TMPRSS15: variants seen among roughly 807,000 people sequenced by gnomAD.
The protein encoded by TMPRSS15 is enteropeptidase.
Under a neutral mutation model 125.3 loss-of-function variants are expected in TMPRSS15, and 128 were observed. The ratio of observed to expected loss-of-function variants is 1.02; its 90% CI spans 0.89 to 1.18. TMPRSS15 has a LOEUF of 1.18. Among genes scored for constraint, TMPRSS15 ranks in the 50% most tolerant of loss-of-function variants. The probability of loss-of-function intolerance (pLI) is 0.00; values close to 1 mark genes in which losing one functional copy is unlikely to be tolerated. For missense variants in TMPRSS15, 1,283 were observed against 1,212.7 expected, an observed-to-expected ratio of 1.06 and a Z score of -0.86; for synonymous variants, 446 against 423.2, an observed-to-expected ratio of 1.05 and a Z score of -0.66.
intron 1 of TMPRSS15, among the ~76,000 whole-genome samples, chr21:18,458,209 G>A (rs758540498): frequency 9.9e-5 from 15 of 152,112 alleles, no homozygotes; most frequent in Middle Eastern, 3.2e-3. Context: ...AGGAGCTGTT[G>A]GAACCTTGTG....
At chr21:18,325,303 A>G (rs2146959603) in intron 16 of TMPRSS15, among the ~76,000 whole-genome samples, 1 of 152,140 alleles carries the variant, frequency 6.6e-6, no homozygotes. Flanking sequence ...AAAATCAGTC[A>G]CAAAATCCAG....
At position 18,345,569 on chromosome 21, in the gene TMPRSS15, G is replaced by A. The variant is rs538272565; in HGVS notation, c.1172-1509C>T. On this transcript the variant is annotated intron_variant, in intron 10 of 24. Coordinates refer to ENST00000284885, the MANE Select transcript of TMPRSS15 (RefSeq NM_002772.3). ...ATCCTGGCTAACACGGCGAAACCCCGTCTCTACAAAAAATACAAAAAATTA... is the reference window on the plus strand; with the variant it reads ...ATCCTGGCTAACACGGCGAAACCCCATCTCTACAAAAAATACAAAAAATTA... 4.9e-4 allele frequency among the ~76,000 whole-genome samples: 73 copies of A among 147,540 alleles called. No individual in the cohort carries two copies. In the East Asian group the frequency reaches 9.2e-3, roughly 19 times the overall value.
intron 1 of TMPRSS15, among the ~76,000 whole-genome samples, chr21:18,473,347 A>C (rs1022086958): frequency 6.6e-5 from 10 of 152,216 alleles, no homozygotes; most frequent in African/African-American, 2.4e-4. Flanking sequence ...TTTTCCTTAC[A>C]TTTATTAATG....
In TMPRSS15 at chr21:18,326,625, G is replaced by T. The variant is rs568452776; in HGVS notation, c.1781-53C>A. 3.4e-3 allele frequency: 5,529 copies of T among 1,610,210 alleles called. 20 individuals carry two copies. Among genetic ancestry groups the T allele is most frequent in the Non-Finnish European group, 3.8e-3 (4,527 of 1,176,918 alleles). ...GTGAGATGATCCTTTGGATCTAGAA[G>T]GAAATGTACCCCACATCTCAGTTCC... On this transcript the variant is annotated intron_variant, in intron 15 of 24. Coordinates refer to ENST00000284885, the MANE Select transcript of TMPRSS15 (RefSeq NM_002772.3).
chr21:18,270,202 A>AAATT, intron 24 of TMPRSS15, 78 bp from the exon 25 acceptor site: 1 of 1,233,696 alleles, frequency 8.1e-7, no homozygotes, highest in Non-Finnish European at 1.2e-6. Context: ...TGTATCAAAT[A>AAATT]AATTAAAAAA....
chr21:18,406,837 C>T (rs1180524278), upstream of TMPRSS15, among the ~76,000 whole-genome samples: 1 of 151,836 alleles, frequency 6.6e-6, no homozygotes, highest in African/African-American at 2.4e-5. Flanking sequence ...CATTATAATA[C>T]AATTATAATA....
chr21:18,359,957 A>G (rs2075664331), intron 7 of TMPRSS15, 94 bp from the exon 8 acceptor site: 1 of 665,396 alleles, frequency 1.5e-6, no homozygotes, highest in Non-Finnish European at 2.8e-6. Flanking sequence ...CTTGTGGTGA[A>G]CACCACATAA....
At chr21:18,348,599 C>T (rs2075533321) in intron 10 of TMPRSS15, among the ~76,000 whole-genome samples, 1 of 151,996 alleles carries the variant, frequency 6.6e-6, no homozygotes, top group Non-Finnish European at 1.5e-5. Context: ...ATATTATTTT[C>T]TAAAATTCAA....
chr21:18,328,491 C>T (rs773121239), intron 15 of TMPRSS15, among the ~76,000 whole-genome samples: 23 of 152,184 alleles, frequency 1.5e-4, no homozygotes, highest in Non-Finnish European at 3.4e-4. Context: ...GTGTCCTTAG[C>T]TTCTAGTCTC....
intron 1 of TMPRSS15, among the ~76,000 whole-genome samples, chr21:18,412,488 T>C (rs982802970): frequency 6.6e-6 from 1 of 152,254 alleles, no homozygotes; most frequent in African/African-American, 2.4e-5. Flanking sequence ...TTTGGACCTC[T>C]AAATTCCCAA....
intron 24 of TMPRSS15, 100 bp from the exon 25 acceptor site, chr21:18,270,224 T>TA (rs571048994): frequency 1.9e-6 from 2 of 1,065,392 alleles, no homozygotes; most frequent in African/African-American, 1.7e-5. Context: ...AAAAATTAAT[T>TA]AAAAAATATG....
chr21:18,331,934 AT>A (rs1182782952), intron 14 of TMPRSS15, 149 bp downstream of exon 14: 1 of 696,130 alleles, frequency 1.4e-6, no homozygotes, highest in African/African-American at 1.8e-5. Context: ...AATTATTGTT[AT>A]TTTTGTTGTT....
intron 18 of TMPRSS15, among the ~76,000 whole-genome samples, chr21:18,306,357 T>C (rs368754273): frequency 7.2e-5 from 11 of 152,304 alleles, no homozygotes; most frequent in South Asian, 2.1e-4. Flanking sequence ...GGTGGTTACA[T>C]CAGAATTTAA....
At chr21:18,439,901 GATCTTAGAT>G (rs1273791010) in intron 1 of TMPRSS15, among the ~76,000 whole-genome samples, 5 of 152,160 alleles carry the variant, frequency 3.3e-5, no homozygotes, top group Non-Finnish European at 5.9e-5. Flanking sequence ...AGAAAGCAGA[GATCTTAGAT>G]AATGACTTCA....
intron 7 of TMPRSS15, among the ~76,000 whole-genome samples, chr21:18,362,402 G>A (rs372709982): frequency 6.6e-6 from 1 of 152,140 alleles, no homozygotes; most frequent in Non-Finnish European, 1.5e-5. Context: ...ACGCAAGCAT[G>A]AGGAGCCCCC....
chr21:18,313,816 A>G (rs959746211), intron 17 of TMPRSS15, among the ~76,000 whole-genome samples: 18 of 151,916 alleles, frequency 1.2e-4, no homozygotes, highest in South Asian at 6.2e-4. Context: ...AAGAGTATAT[A>G]TAAGAGTATA....
intron 16 of TMPRSS15, among the ~76,000 whole-genome samples, chr21:18,320,033 T>C (rs1311661118): frequency 6.6e-6 from 1 of 152,214 alleles, no homozygotes; most frequent in Non-Finnish European, 1.5e-5. Context: ...ACGGAGGTTC[T>C]TGAAAATGTA....
At chr21:18,325,946 GT>G (rs2075284727) in intron 16 of TMPRSS15, among the ~76,000 whole-genome samples, 1 of 151,892 alleles carries the variant, frequency 6.6e-6, no homozygotes, top group Admixed American at 6.6e-5. Context: ...GGTTGGGCAC[GT>G]CAGCAAATAG....
chr21:18,341,848 T>C (rs1441127385), intron 12 of TMPRSS15, among the ~76,000 whole-genome samples: 2 of 152,208 alleles, frequency 1.3e-5, no homozygotes, highest in East Asian at 1.9e-4. Flanking sequence ...TCTTATGATA[T>C]TGTCATATTC....
Sources: gnomAD v4.1 joint callset for allele counts (sites outside exome capture counted in the v4.1 genomes callset) on GRCh38, gnomAD v4.1.1 for gene constraint, MANE v1.5 for transcripts, NCBI Gene and HGNC (gene_info 2026-07-23, HGNC 2026-07-21) for gene names.